The following JCAD variants were observed in gnomAD, a reference collection of about 807,000 sequenced individuals.
The protein encoded by JCAD is junctional cadherin 5-associated protein.
In JCAD, 40 loss-of-function variants were observed where a neutral mutation model predicts 98.0. The observed-to-expected ratio is 0.41, with a 90% CI of 0.32 to 0.53. The LOEUF (loss-of-function observed/expected upper bound fraction) is 0.53. Among genes scored for constraint, JCAD ranks in the 20% least tolerant of loss-of-function variants. The probability of loss-of-function intolerance (pLI) is 0.31; values close to 1 mark genes in which losing one functional copy is unlikely to be tolerated. For missense variants in JCAD, 1,705 were observed against 1,738.1 expected (o/e 0.98, Z 0.34); for synonymous variants, 691 against 682.3 (o/e 1.01, Z -0.20).
At chr10:30,094,709 C>T (rs1044267209) in intron 1 of JCAD, among the ~76,000 whole-genome samples, 2 of 152,172 alleles carry the variant, frequency 1.3e-5, no homozygotes, top group African/African-American at 4.8e-5. Context: ...AACTAAGACA[C>T]CATCTTTGCC....
rs1838368661 is a variant in JCAD, at chr10:30,096,378, AG to A, written n.128+18988del. 2.0e-5 allele frequency among the ~76,000 whole-genome samples: 3 copies of A among 152,234 alleles called. No individual in the cohort carries two copies. In the South Asian group the frequency reaches 6.2e-4, roughly 31 times the overall value. ...GCTACCTACCTTGCAGAGTTGCTAC[AG>A]GGATCAGTGGTAATGCAAAAATGCT... On this transcript the variant is annotated intron_variant and non_coding_transcript_variant, in intron 1 of 2. Transcript: ENST00000465712.
chr10:30,026,196 G>A lies in JCAD; in HGVS notation c.3952C>T (p.Leu1318Phe). The change falls in exon 3 of 4, where the codon CTC (leucine) becomes TTC (phenylalanine). Residue 1318 changes from leucine (L) to phenylalanine (F), a missense_variant. Physicochemically the swap from Leu to Phe is conservative, Grantham distance 22 (BLOSUM62 0). This residue lies in a region of JCAD where 1,278 missense variants were observed against 1,243.1 expected (regional missense o/e 1.03). Transcript: ENST00000375377. ...GAGATGCTGTCCTTGGACACAGAGAGTGAGTGGCCCAATCTCTGGGCACGG... is the reference window on the plus strand; with the variant it reads ...GAGATGCTGTCCTTGGACACAGAGAATGAGTGGCCCAATCTCTGGGCACGG... Reference protein sequence around the residue: ...GDRAQRLGHSLSVSKDSISRE... With the variant: ...GDRAQRLGHSFSVSKDSISRE... 1.2e-6 allele frequency: 2 copies of A among 1,614,168 alleles called. No individual in the cohort carries two copies. Among genetic ancestry groups the A allele is most frequent in the Non-Finnish European group, 8.5e-7 (1 of 1,180,030 alleles).
chr10:30,072,534 A>G (rs916621045), intron 1 of JCAD, among the ~76,000 whole-genome samples: 11 of 152,234 alleles, frequency 7.2e-5, no homozygotes, highest in Admixed American at 7.2e-4. Context: ...TGGAAATGTC[A>G]TAGTCTGAAT....
At chr10:30,097,268 T>A (rs949753669) in intron 1 of JCAD, among the ~76,000 whole-genome samples, 16 of 152,180 alleles carry the variant, frequency 1.1e-4, no homozygotes, top group African/African-American at 3.9e-4. Context: ...GGCCACCGTA[T>A]TGAGCAGCAC....
At position 30,082,875 on chromosome 10, in the gene JCAD, AAAC is replaced by A. The variant is rs1163891978; in HGVS notation, n.129-13057_129-13055del. On this transcript the variant is annotated intron_variant and non_coding_transcript_variant, in intron 1 of 2. Coordinates refer to the JCAD transcript ENST00000465712. ...TCAAAAAAAAAAAAAAAAAAAAAAA[AAAC>A]AAAAAATTAGCTGGGTGTGGTGGCA... Among the ~76,000 whole-genome samples the A allele has an allele frequency of 4.7e-3, 691 of 145,966 alleles. 37 individuals carry two copies. Among genetic ancestry groups the A allele is most frequent in the Middle Eastern group, 0.018 (5 of 272 alleles).
intron 1 of JCAD, among the ~76,000 whole-genome samples, chr10:30,094,343 G>A (rs1035643636): frequency 2.6e-5 from 4 of 152,072 alleles, no homozygotes; most frequent in South Asian, 2.1e-4. Flanking sequence ...CCAGCTACTC[G>A]GAGGCTGAGG....
intron 1 of JCAD, among the ~76,000 whole-genome samples, chr10:30,109,763 G>A (rs149149004): frequency 6.6e-6 from 1 of 152,294 alleles, no homozygotes; most frequent in East Asian, 1.9e-4. Flanking sequence ...TGGACTCCCT[G>A]ATATATGGAC....
intron 3 of JCAD, among the ~76,000 whole-genome samples, chr10:30,024,802 T>G (rs921127086): frequency 2.7e-5 from 4 of 150,936 alleles, no homozygotes; most frequent in Admixed American, 6.6e-5. Context: ...TTCACGCCAT[T>G]CTCCTGCCTC....
At chr10:30,037,012 C>G (rs1022176406) in intron 2 of JCAD, among the ~76,000 whole-genome samples, 3 of 152,208 alleles carry the variant, frequency 2.0e-5, no homozygotes, top group Non-Finnish European at 2.9e-5. Flanking sequence ...CATTGGTATC[C>G]AGATACAGAA....
At chr10:30,105,914 T>C (rs1838570317) in intron 1 of JCAD, among the ~76,000 whole-genome samples, 1 of 152,224 alleles carries the variant, frequency 6.6e-6, no homozygotes, top group South Asian at 2.1e-4. Flanking sequence ...TTTTGCATCC[T>C]ATATTCTGAA....
In JCAD at chr10:30,013,462, T is replaced by C. The variant is rs1316441096; in HGVS notation, c.*4421A>G. ...ACCTAGGTGGAGAGTACTTCATTGATTTTTATAATCTGGAAATGACTGCTT... is the reference window on the plus strand; with the variant it reads ...ACCTAGGTGGAGAGTACTTCATTGACTTTTATAATCTGGAAATGACTGCTT... On this transcript the variant is annotated 3_prime_UTR_variant, in exon 4 of 4. Transcript: ENST00000375377. 1 of 152,214 alleles carries C rather than the reference T, an allele frequency of 6.6e-6. No homozygotes were observed. Among genetic ancestry groups the C allele is most frequent in the Non-Finnish European group, 1.5e-5 (1 of 68,044 alleles). 9.4% of individuals were successfully genotyped at this position (152,214 alleles called of 1,614,324 possible).
intron 1 of JCAD, among the ~76,000 whole-genome samples, chr10:30,091,324 C>T (rs553369453): frequency 1.3e-5 from 2 of 152,196 alleles, no homozygotes; most frequent in South Asian, 2.1e-4. Context: ...TGCAAACTGG[C>T]GTCAGATTTT....
At chr10:30,096,502 A>T (rs1364292473) in intron 1 of JCAD, among the ~76,000 whole-genome samples, 1 of 152,194 alleles carries the variant, frequency 6.6e-6, no homozygotes, top group Non-Finnish European at 1.5e-5. Flanking sequence ...ATTATTCATC[A>T]CACCTTGACA....
rs749382590 is a variant in JCAD at position 30,047,637 on chromosome 10, G to A, written c.176C>T (p.Thr59Met). The change falls in exon 2 of 4, where the codon ACG becomes ATG. Residue 59 changes from threonine (T) to methionine (M), a missense_variant. Thr to Met is a moderately conservative substitution (Grantham distance 81). Coordinates refer to ENST00000375377, the MANE Select transcript of JCAD (RefSeq NM_020848.4). The stretch of plus-strand genomic sequence containing the variant: ...ACTCACATGTCCTTTCCCCGCGGAC[G>A]TCTTACGATGTGCGAGGGCCGCAGG... The part of the protein sequence containing the change: ...DGPAALAHRK[T>M]SAGKGHVSDS... 6.2e-6 allele frequency: 10 copies of A among 1,614,058 alleles called. No homozygotes were observed. The highest frequency in any genetic ancestry group is 4.0e-5 in the African/African-American group (3 of 74,934).
At chr10:30,033,920 G>A (rs1837055088) in intron 2 of JCAD, among the ~76,000 whole-genome samples, 1 of 152,088 alleles carries the variant, frequency 6.6e-6, no homozygotes, top group African/African-American at 2.4e-5. Flanking sequence ...GGTAAGGATA[G>A]CCCCTCAAAC....
chr10:30,026,072 T>C (rs771316800), intron 3 of JCAD, 31 bp downstream of exon 3: 5 of 1,613,650 alleles, frequency 3.1e-6, no homozygotes, highest in Non-Finnish European at 4.2e-6. Context: ...AAATGTATAC[T>C]GAGCACCTGC....
At chr10:30,056,555 G>A (rs1228359501) in intron 1 of JCAD, among the ~76,000 whole-genome samples, 2 of 148,666 alleles carry the variant, frequency 1.3e-5, no homozygotes, top group Non-Finnish European at 3.0e-5. Flanking sequence ...AATGTATCTT[G>A]GTGCTTCTTC....
chr10:30,038,726 GAA>G (rs1208048000), intron 2 of JCAD, among the ~76,000 whole-genome samples: 2 of 148,498 alleles, frequency 1.3e-5, no homozygotes, highest in East Asian at 1.9e-4. Context: ...AAAGAAAAGA[GAA>G]AGAGAAAGAG....
chr10:30,075,291 C>T (rs1837963607), intron 1 of JCAD, among the ~76,000 whole-genome samples: 1 of 152,104 alleles, frequency 6.6e-6, no homozygotes, highest in African/African-American at 2.4e-5. Context: ...ATCCTAGTTC[C>T]CCTCTGATAT....
Sources: gnomAD v4.1 joint callset for allele counts (sites outside exome capture counted in the v4.1 genomes callset) on GRCh38, gnomAD v4.1.1 for gene constraint, gnomAD v4.1.1 regional missense constraint, MANE v1.5 for transcripts, NCBI Gene and HGNC (gene_info 2026-07-23, HGNC 2026-07-21) for gene names.